CYRIA: variants seen among roughly 807,000 people sequenced by gnomAD.
CYRIA encodes CYFIP-related Rac1 interactor A.
A neutral mutation model predicts 43.9 loss-of-function variants in CYRIA; 15 were observed. The observed-to-expected ratio is 0.34, with a 90% confidence interval of 0.23 to 0.53. The LOEUF is 0.53. Ranked by LOEUF, CYRIA falls within the 20% of genes least tolerant of loss-of-function variation. The pLI, the probability that CYRIA is intolerant of heterozygous loss-of-function variation, is 0.94. For missense variants in CYRIA, 236 were observed against 394.2 expected (o/e 0.60, Z 3.40); for synonymous variants, 117 against 136.0 (o/e 0.86, Z 0.97).
intron 2 of CYRIA, among the ~76,000 whole-genome samples, chr2:16,591,896 A>ACACT (rs1158411081): frequency 2.0e-5 from 3 of 152,094 alleles, no homozygotes; most frequent in African/African-American, 7.2e-5. Context: ...GTACATGCAC[A>ACACT]CACTCACACA....
chr2:16,586,208 C>T (rs556547028), intron 3 of CYRIA, among the ~76,000 whole-genome samples: 4 of 152,048 alleles, frequency 2.6e-5, no homozygotes, highest in Non-Finnish European at 2.9e-5. Flanking sequence ...AAATGGGACA[C>T]GTTACCACTA....
chr2:16,581,788 G>A (rs1399755573), intron 3 of CYRIA, among the ~76,000 whole-genome samples: 1 of 151,952 alleles, frequency 6.6e-6, no homozygotes, highest in Non-Finnish European at 1.5e-5. Context: ...AGCCCCAAAC[G>A]GGAAATAGCC....
chr2:16,661,182 G>A (rs536500933), intron 1 of CYRIA, among the ~76,000 whole-genome samples: 2 of 152,080 alleles, frequency 1.3e-5, no homozygotes, highest in Non-Finnish European at 2.9e-5. Flanking sequence ...GGCTGGGGTG[G>A]GAGGATTACT....
At chr2:16,623,539 C>T (rs565633679) in intron 2 of CYRIA, among the ~76,000 whole-genome samples, 5 of 152,246 alleles carry the variant, frequency 3.3e-5, no homozygotes, top group Admixed American at 2.0e-4. Flanking sequence ...GACCTCTCCT[C>T]CTACTGTCTA....
rs536168411 is a variant in CYRIA, at chr2:16,558,305, C to T, written c.837+1155G>A. ...TGAAGAAACATGACTAACTATACTA[C>T]GAACTCAGAACCTTAAAATAAGTAA... On this transcript the variant is annotated intron_variant, in intron 10 of 11. Coordinates refer to ENST00000381323, the MANE Select transcript of CYRIA (RefSeq NM_030797.4). Among the ~76,000 whole-genome samples, 39 of 152,204 alleles carry T rather than the reference C, an allele frequency of 2.6e-4. No individual in the cohort carries two copies. In the South Asian group the frequency reaches 4.8e-3, roughly 19 times the overall value.
At chr2:16,639,116 C>T (rs1669596939) in intron 1 of CYRIA, among the ~76,000 whole-genome samples, 1 of 152,176 alleles carries the variant, frequency 6.6e-6, no homozygotes. Context: ...AAAGCCACTT[C>T]CTGCAGCTGT....
intron 11 of CYRIA, 110 bp from the exon 12 acceptor site, chr2:16,553,109 C>A: frequency 1.4e-6 from 1 of 732,408 alleles, no homozygotes. Context: ...TTTCTTTAGA[C>A]AAAAATCCAC....
At chr2:16,642,804 C>T (rs1669712813) in intron 1 of CYRIA, among the ~76,000 whole-genome samples, 1 of 152,150 alleles carries the variant, frequency 6.6e-6, no homozygotes, top group African/African-American at 2.4e-5. Context: ...CACTCCTTCA[C>T]CTTTTAATAG....
chr2:16,637,756 T>C (rs1447098932), intron 1 of CYRIA, among the ~76,000 whole-genome samples: 1 of 152,230 alleles, frequency 6.6e-6, no homozygotes, highest in Non-Finnish European at 1.5e-5. Context: ...TACCTTTCAT[T>C]ATACAAAATA....
intron 3 of CYRIA, among the ~76,000 whole-genome samples, chr2:16,585,445 C>A (rs902011984): frequency 2.0e-5 from 3 of 152,066 alleles, no homozygotes; most frequent in Non-Finnish European, 4.4e-5. Flanking sequence ...TTTATCTTCT[C>A]AAAATTTCAG....
At chr2:16,575,190 A>G (rs73211540) in intron 3 of CYRIA, among the ~76,000 whole-genome samples, 1 of 152,056 alleles carries the variant, frequency 6.6e-6, no homozygotes, top group Non-Finnish European at 1.5e-5. Context: ...TATTTACCCA[A>G]TGCCTGTACC....
intron 2 of CYRIA, among the ~76,000 whole-genome samples, chr2:16,607,261 G>A (rs1212928873): frequency 7.0e-6 from 1 of 143,494 alleles, no homozygotes; most frequent in Non-Finnish European, 1.5e-5. Flanking sequence ...CAGGAAAGGT[G>A]GATGAGGTGA....
intron 4 of CYRIA, among the ~76,000 whole-genome samples, chr2:16,564,904 T>A (rs944670127): frequency 1.3e-5 from 2 of 152,208 alleles, no homozygotes; most frequent in Non-Finnish European, 2.9e-5. Flanking sequence ...CAAGATGGTT[T>A]TGGCTGTTGT....
chr2:16,576,640 T>G (rs570973434), intron 3 of CYRIA, among the ~76,000 whole-genome samples: 3 of 152,318 alleles, frequency 2.0e-5, no homozygotes, highest in African/African-American at 7.2e-5. Flanking sequence ...TTGATGTTGG[T>G]CATTATGTCT....
chr2:16,582,142 C>G (rs1026305362), intron 3 of CYRIA, among the ~76,000 whole-genome samples: 1 of 152,026 alleles, frequency 6.6e-6, no homozygotes, highest in Non-Finnish European at 1.5e-5. Flanking sequence ...TTTGTCAAAA[C>G]CAACTAAAAT....
At chr2:16,592,378 C>T (rs189867838) in intron 2 of CYRIA, among the ~76,000 whole-genome samples, 21 of 152,206 alleles carry the variant, frequency 1.4e-4, no homozygotes, top group Admixed American at 2.6e-4. Context: ...TCCTGAAAAT[C>T]AACATCCTTT....
chr2:16,575,651 T>G (rs574855718), intron 3 of CYRIA, among the ~76,000 whole-genome samples: 2 of 151,814 alleles, frequency 1.3e-5, no homozygotes, highest in Non-Finnish European at 2.9e-5. Flanking sequence ...GTCAGGAGAT[T>G]GAGACCATCC....
chr2:16,651,230 G>A (rs544469203), intron 1 of CYRIA, among the ~76,000 whole-genome samples: 1 of 152,112 alleles, frequency 6.6e-6, no homozygotes, highest in African/African-American at 2.4e-5. Flanking sequence ...TCCCACTCCT[G>A]TATACCCACA....
At chr2:16,584,587 C>T (rs983450924) in intron 3 of CYRIA, among the ~76,000 whole-genome samples, 1 of 152,178 alleles carries the variant, frequency 6.6e-6, no homozygotes, top group Non-Finnish European at 1.5e-5. Flanking sequence ...CAGTGCTGGA[C>T]ATCTAGCCCT....
Sources: allele counts gnomAD v4.1 joint callset (sites outside exome capture counted in the v4.1 genomes callset), GRCh38; gene constraint gnomAD v4.1.1; transcripts MANE v1.5; gene names NCBI Gene and HGNC (gene_info 2026-07-23, HGNC 2026-07-21).